The following RANBP2 variants were observed in gnomAD, a reference collection of about 807,000 sequenced individuals.
RANBP2 encodes the protein RAN binding protein 2, also known as E3 SUMO-protein ligase RanBP2.
Under a neutral mutation model 303.6 loss-of-function variants are expected in RANBP2, and 57 were observed. That is an observed-to-expected ratio of 0.19 (90% CI 0.15 to 0.23). The LOEUF is 0.23. Among genes scored for constraint, RANBP2 ranks in the 10% least tolerant of loss-of-function variants. The pLI, the probability that RANBP2 is intolerant of heterozygous loss-of-function variation, is 1.00. For synonymous variants in RANBP2, 1,167 were observed against 1,301.5 expected (o/e 0.90, Z 2.23); for missense variants, 3,138 against 3,780.8 (o/e 0.83, Z 4.46).
the RANBP2 span, among the ~76,000 whole-genome samples, chr2:108,942,158 G>A: frequency 5.3e-5 from 8 of 152,320 alleles, no homozygotes; most frequent in Admixed American, 4.6e-4. Flanking sequence ...CCTATCCAGC[G>A]CCAGACGTGT....
At chr2:109,251,456 C>T in the RANBP2 span, 1 of 727,370 alleles carries the variant, frequency 1.4e-6, no homozygotes, top group African/African-American at 1.7e-5. Flanking sequence ...TTGAAAAAAT[C>T]TATGGACAAG....
chr2:109,584,493 A>T, the RANBP2 span, among the ~76,000 whole-genome samples: 1 of 151,714 alleles, frequency 6.6e-6, no homozygotes, highest in Non-Finnish European at 1.5e-5. Flanking sequence ...AAAAAAAAAA[A>T]AAAATTGAAA....
At chr2:109,590,052 G>GTATATATATATACACACACATATA in the RANBP2 span, among the ~76,000 whole-genome samples, 5 of 146,436 alleles carry the variant, frequency 3.4e-5, 1 homozygote, top group African/African-American at 1.3e-4. Flanking sequence ...ATATATATGT[G>GTATATATATATACACACACATATA]TGTGTATATA....
the RANBP2 span, chr2:108,883,809 C>T: frequency 4.6e-5 from 7 of 152,320 alleles, no homozygotes; most frequent in Non-Finnish European, 7.3e-5. Context: ...AAACCTCACT[C>T]CTCTCTTTGT....
At chr2:109,615,524 G>A in the RANBP2 span, 1 of 1,613,932 alleles carries the variant, frequency 6.2e-7, no homozygotes, top group Non-Finnish European at 8.5e-7. Flanking sequence ...ACACCGCCCT[G>A]CACTTGGCAG....
At chr2:109,218,905 C>T in the RANBP2 span, among the ~76,000 whole-genome samples, 4 of 152,182 alleles carry the variant, frequency 2.6e-5, no homozygotes, top group African/African-American at 9.7e-5. Flanking sequence ...AAGACAAGAA[C>T]CAGGTGAGAG....
Position 108,764,496 on chromosome 2 carries a change from T to C in RANBP2, c.3957T>C (p.Ala1319=), listed in dbSNP as rs201731114. The C allele has an allele frequency of 1.2e-6, 2 of 1,614,002 alleles. No individual in the cohort carries two copies. Among genetic ancestry groups the C allele is most frequent in the East Asian group, 4.5e-5 (2 of 44,872 alleles). The change falls in exon 20 of 29, where the codon GCT becomes GCC. Residue 1319 remains alanine (A), a synonymous_variant. Coordinates refer to ENST00000283195, the MANE Select transcript of RANBP2 (RefSeq NM_006267.5). ...ATGTAGCCATGGCGTCAAATCAGGC[T>C]GTCAGAATTGTAAAAGAACCCACAA... ...GTNVAMASNQ[A]VRIVKEPTSH... is the part of the protein sequence containing the mutation.
the RANBP2 span, among the ~76,000 whole-genome samples, chr2:109,181,771 C>A: frequency 9.2e-5 from 14 of 152,160 alleles, no homozygotes; most frequent in African/African-American, 3.4e-4. Flanking sequence ...TGTCTCCCTG[C>A]CTTTTTCTTG....
At chr2:109,153,187 G>A in the RANBP2 span, among the ~76,000 whole-genome samples, 5 of 152,168 alleles carry the variant, frequency 3.3e-5, no homozygotes, top group Admixed American at 2.0e-4. Flanking sequence ...GCACTGCAGC[G>A]TTCTGCTAAA....
At chr2:109,760,671 TCGGCGGCGGCGGCGGTAGCGG>T in the RANBP2 span, among the ~76,000 whole-genome samples, 1 of 126,312 alleles carries the variant, frequency 7.9e-6, no homozygotes, top group Non-Finnish European at 1.7e-5. Flanking sequence ...GGCCCGAGCT[TCGGCGGCGGCGGCGGTAGCGG>T]CGGCGGCGAC....
the RANBP2 span, among the ~76,000 whole-genome samples, chr2:109,688,898 TC>T: frequency 2.0e-5 from 3 of 149,646 alleles, no homozygotes; most frequent in Admixed American, 1.3e-4. Flanking sequence ...CTTCCTTCCT[TC>T]CTTCCTTTCT....
At chr2:109,566,416 A>G in the RANBP2 span, among the ~76,000 whole-genome samples, 1 of 152,124 alleles carries the variant, frequency 6.6e-6, no homozygotes, top group Non-Finnish European at 1.5e-5. Flanking sequence ...TGCTGGGATT[A>G]TAGGTGTGAG....
intron 7 of RANBP2, 58 bp downstream of exon 7, chr2:108,740,739 A>G (rs1412868138): frequency 1.3e-6 from 2 of 1,597,224 alleles, no homozygotes; most frequent in East Asian, 4.5e-5. Context: ...TGTGTTTGAA[A>G]TGAAGGTGTG....
At chr2:109,241,269 CAGA>C in the RANBP2 span, among the ~76,000 whole-genome samples, 83 of 151,814 alleles carry the variant, frequency 5.5e-4, 2 homozygotes, top group South Asian at 0.013. Context: ...ACAACAACAA[CAGA>C]AAAGACAAAT....
At chr2:109,047,740 G>T in the RANBP2 span, among the ~76,000 whole-genome samples, 1 of 152,258 alleles carries the variant, frequency 6.6e-6, no homozygotes, top group East Asian at 1.9e-4. Context: ...AACCTGGGAG[G>T]TGGAGGTGTA....
chr2:109,631,848 C>T, the RANBP2 span, among the ~76,000 whole-genome samples: 1 of 152,064 alleles, frequency 6.6e-6, no homozygotes, highest in African/African-American at 2.4e-5. Context: ...TATGGAGACT[C>T]TAAAAACCCT....
the RANBP2 span, among the ~76,000 whole-genome samples, chr2:108,916,154 T>A: frequency 6.6e-6 from 1 of 152,154 alleles, no homozygotes; most frequent in Non-Finnish European, 1.5e-5. Context: ...CAGCATGACC[T>A]AATTTCCTTT....
the RANBP2 span, among the ~76,000 whole-genome samples, chr2:109,222,496 AAT>A: frequency 0.022 from 3,198 of 146,006 alleles, 128 homozygotes; most frequent in African/African-American, 0.081. Flanking sequence ...CCTCCAAAAA[AAT>A]AAAAAGAGTC....
the RANBP2 span, chr2:109,613,064 G>A: frequency 5.2e-6 from 3 of 582,106 alleles, no homozygotes; most frequent in East Asian, 1.3e-4. Flanking sequence ...TTGTTTTTAA[G>A]AATACACAGG....
Sources: allele counts gnomAD v4.1 joint callset (sites outside exome capture counted in the v4.1 genomes callset), GRCh38; gene constraint gnomAD v4.1.1; transcripts MANE v1.5; gene names NCBI Gene and HGNC (gene_info 2026-07-23, HGNC 2026-07-21).